Variants in DLGAP4 observed in about 807,000 individuals in gnomAD.
The protein encoded by DLGAP4 is disks large-associated protein 4.
A neutral mutation model predicts 86.9 loss-of-function variants in DLGAP4; 18 were observed. That is an observed-to-expected ratio of 0.21 (90% CI 0.14 to 0.31). DLGAP4 has a LOEUF of 0.31. Ranked by LOEUF, DLGAP4 falls within the 10% of genes least tolerant of loss-of-function variation. The pLI is 1.00. For synonymous variants in DLGAP4, 548 were observed against 574.3 expected (o/e 0.95, Z 0.65); for missense variants, 1,085 against 1,362.6 (o/e 0.80, Z 3.21).
chr20:36,464,021 A>G (rs1421433691), intron 7 of DLGAP4, among the ~76,000 whole-genome samples: 1 of 152,272 alleles, frequency 6.6e-6, no homozygotes, highest in Non-Finnish European at 1.5e-5. Flanking sequence ...CCCCTGGTGT[A>G]TAATGACAAT....
chr20:36,486,158 G>A (rs969299154), intron 7 of DLGAP4, among the ~76,000 whole-genome samples: 1 of 152,144 alleles, frequency 6.6e-6, no homozygotes, highest in African/African-American at 2.4e-5. Context: ...GCCCAACCAT[G>A]TATTGAGCCT....
Position 36,500,701 on chromosome 20 carries a change from TG to T in DLGAP4, c.2512+95del. 7.8e-7 allele frequency: 1 copy of T among 1,288,598 alleles called. No homozygotes were observed. The highest frequency in any genetic ancestry group is 1.0e-6 in the Non-Finnish European group (1 of 981,164). The allele number at this position is 1,288,598 out of a possible 1,614,324, so 79.8% of individuals were successfully genotyped here. ...GGCCAGCAGCTTCCGAACTTCTGAG[TG>T]GGGGTCTCTTAGGTTCTCTTCTTGG... On this transcript the variant is annotated intron_variant, in intron 10 of 12. Transcript: ENST00000339266. This position sits in a 1 kb window ranked among gnomAD's most constrained non-coding sequence, Gnocchi z 4.6.
At chr20:36,318,435 C>T (rs1330259694) in intron 1 of DLGAP4, among the ~76,000 whole-genome samples, 1 of 152,202 alleles carries the variant, frequency 6.6e-6, no homozygotes, top group East Asian at 1.9e-4. Context: ...TGCAGTGGTG[C>T]AGTCATGGCT....
chr20:36,353,322 G>T (rs1320273327), intron 1 of DLGAP4, among the ~76,000 whole-genome samples: 4 of 152,174 alleles, frequency 2.6e-5, no homozygotes, highest in Admixed American at 6.5e-5. Flanking sequence ...ACTGAGAGGG[G>T]GCGGCTCTGG....
intron 1 of DLGAP4, among the ~76,000 whole-genome samples, chr20:36,365,209 C>T (rs550300567): frequency 2.2e-4 from 33 of 152,336 alleles, no homozygotes; most frequent in African/African-American, 7.9e-4. Context: ...CAGGGCCCTG[C>T]GGCACCCTGC....
At chr20:36,444,238 A>G (rs62210514) in intron 6 of DLGAP4, among the ~76,000 whole-genome samples, 1,607 of 152,352 alleles carry the variant, frequency 0.011, 15 homozygotes, top group Non-Finnish European at 0.017. Context: ...GAAATGTTCT[A>G]TAATTCACAC....
chr20:36,513,469 A>G (rs2036844495), intron 10 of DLGAP4, among the ~76,000 whole-genome samples: 1 of 146,876 alleles, frequency 6.8e-6, no homozygotes, highest in Admixed American at 6.9e-5. Flanking sequence ...AATGGCGTGA[A>G]CCCGGGAAGC....
intron 2 of DLGAP4, among the ~76,000 whole-genome samples, chr20:36,389,388 T>C (rs540798110): frequency 6.6e-6 from 1 of 152,316 alleles, no homozygotes; most frequent in Non-Finnish European, 1.5e-5. Context: ...TTACTTACTT[T>C]CCCTGTGCCT....
intron 1 of DLGAP4, among the ~76,000 whole-genome samples, chr20:36,342,148 G>T (rs1555892572): frequency 6.6e-6 from 1 of 152,170 alleles, no homozygotes; most frequent in African/African-American, 2.4e-5. Flanking sequence ...GGGGCCAAAG[G>T]TCAGAACTTT....
At chr20:36,384,519 A>C (rs1419590460) in intron 2 of DLGAP4, among the ~76,000 whole-genome samples, 1 of 152,192 alleles carries the variant, frequency 6.6e-6, no homozygotes, top group Non-Finnish European at 1.5e-5. Context: ...AAGGTGAGCA[A>C]ACTGAAGGTT....
At chr20:36,462,152 C>CATATCCACT in intron 7 of DLGAP4, 1 of 1,035,638 alleles carries the variant, frequency 9.7e-7, no homozygotes, top group Non-Finnish European at 1.2e-6. Flanking sequence ...GGGTGTTCCC[C>CATATCCACT]ATATCCACTG....
intron 1 of DLGAP4, among the ~76,000 whole-genome samples, chr20:36,323,921 C>T (rs1226529647): frequency 6.6e-6 from 1 of 152,254 alleles, no homozygotes; most frequent in African/African-American, 2.4e-5. Context: ...ACCTCCTGCT[C>T]TGCAGCCCAG....
chr20:36,437,801 G>A (rs570485138), intron 4 of DLGAP4, among the ~76,000 whole-genome samples: 1 of 152,300 alleles, frequency 6.6e-6, no homozygotes, highest in East Asian at 1.9e-4. Context: ...GAGCAGCCAG[G>A]AGTCTAGTTG....
intron 7 of DLGAP4, among the ~76,000 whole-genome samples, chr20:36,465,856 C>G (rs900386406): frequency 6.6e-6 from 1 of 152,150 alleles, no homozygotes; most frequent in Non-Finnish European, 1.5e-5. Context: ...CCCGCTTCAG[C>G]CTTTATTAAT....
intron 2 of DLGAP4, among the ~76,000 whole-genome samples, chr20:36,391,738 G>T (rs1033844763): frequency 6.6e-6 from 1 of 152,212 alleles, no homozygotes; most frequent in Admixed American, 6.5e-5. Context: ...GTGCTGGGGG[G>T]TAGGATTCCA....
At chr20:36,344,869 G>T (rs1462259114) in intron 1 of DLGAP4, among the ~76,000 whole-genome samples, 1 of 152,182 alleles carries the variant, frequency 6.6e-6, no homozygotes. Flanking sequence ...CCTTCCCTAG[G>T]CACATCGAGT....
intron 1 of DLGAP4, among the ~76,000 whole-genome samples, chr20:36,340,408 C>T (rs529498135): frequency 7.2e-5 from 11 of 152,202 alleles, no homozygotes; most frequent in African/African-American, 1.2e-4. Flanking sequence ...GGGAGAGACC[C>T]GTGCACGGGT....
intron 2 of DLGAP4, among the ~76,000 whole-genome samples, chr20:36,402,334 A>G (rs1254903362): frequency 6.6e-6 from 1 of 152,182 alleles, no homozygotes; most frequent in East Asian, 1.9e-4. Flanking sequence ...CCTCCTCTAT[A>G]AAAGAAAAGG....
intron 7 of DLGAP4, chr20:36,461,419 A>G (rs1468144941): frequency 1.0e-6 from 1 of 954,988 alleles, no homozygotes; most frequent in Non-Finnish European, 1.2e-6. Flanking sequence ...GGGGGCGGGG[A>G]GGGGCGGGGC....
Sources: allele counts gnomAD v4.1 joint callset (sites outside exome capture counted in the v4.1 genomes callset), GRCh38; gene constraint gnomAD v4.1.1; non-coding constraint Gnocchi (gnomAD v3.1); transcripts MANE v1.5; gene names NCBI Gene and HGNC (gene_info 2026-07-23, HGNC 2026-07-21).